The following KANK1 variants were observed in gnomAD, a reference collection of about 807,000 sequenced individuals.
KANK1 encodes the protein KN motif and ankyrin repeat domain-containing protein 1.
In KANK1, 109 loss-of-function variants were observed where a neutral mutation model predicts 106.2. The ratio of observed to expected loss-of-function variants is 1.03; its 90% CI spans 0.88 to 1.20. KANK1 has a LOEUF of 1.20. KANK1 is among the 50% of genes most tolerant of loss of function. KANK1 has a pLI of 0.00. For missense variants in KANK1, 2,399 were observed against 1,710.7 expected (o/e 1.40, Z -7.10); for synonymous variants, 873 against 652.2 (o/e 1.34, Z -5.16).
intron 3 of KANK1, among the ~76,000 whole-genome samples, chr9:486,193 A>G (rs1004461853): frequency 6.6e-6 from 1 of 152,232 alleles, no homozygotes; most frequent in African/African-American, 2.4e-5. Context: ...TATTTTACAT[A>G]TGATCATAGA....
At chr9:529,261 A>C (rs530774289) in intron 1 of KANK1, among the ~76,000 whole-genome samples, 46 of 151,232 alleles carry the variant, frequency 3.0e-4, no homozygotes, top group African/African-American at 1.1e-3. Context: ...ACACATATAC[A>C]CACACACACA....
Position 647,248 on chromosome 9 carries a change from G to T in KANK1, c.-83-29642G>T. Among the ~76,000 whole-genome samples, 2 of 141,254 alleles carry T rather than the reference G, an allele frequency of 1.4e-5. 1 individual carries two copies. Among genetic ancestry groups the T allele is most frequent in the African/African-American group, 6.1e-5 (2 of 33,016 alleles). The allele number at this position is 141,254 out of a possible 152,430, so 92.7% of individuals were successfully genotyped here. ...TACTTGATTATTTATTTACTTATTT[G>T]ATTATTTCTGTTCTCATTAATTTTC... is the stretch of plus-strand genomic sequence containing the variant. On this transcript the variant is annotated intron_variant, in intron 1 of 11. Coordinates refer to ENST00000382297, the MANE Select transcript of KANK1 (RefSeq NM_015158.5).
chr9:499,854 G>A (rs1054510859), upstream of KANK1, among the ~76,000 whole-genome samples: 2 of 152,176 alleles, frequency 1.3e-5, no homozygotes, highest in African/African-American at 2.4e-5. Flanking sequence ...AGATGAACAT[G>A]TATATACTGA....
intron 1 of KANK1, among the ~76,000 whole-genome samples, chr9:602,084 A>G (rs1221878211): frequency 1.3e-5 from 2 of 151,876 alleles, no homozygotes; most frequent in Non-Finnish European, 2.9e-5. Context: ...GTTAAAATCA[A>G]TGCACATACC....
At chr9:560,499 C>T (rs549667759) in intron 1 of KANK1, among the ~76,000 whole-genome samples, 9 of 152,152 alleles carry the variant, frequency 5.9e-5, no homozygotes, top group Non-Finnish European at 1.3e-4. Context: ...GGATTGTGGG[C>T]AGGATGTAGG....
At chr9:659,210 C>T (rs1448565640) in intron 1 of KANK1, among the ~76,000 whole-genome samples, 2 of 152,160 alleles carry the variant, frequency 1.3e-5, no homozygotes, top group Admixed American at 1.3e-4. Context: ...AGTTAGGCTT[C>T]CTGGGGGATG....
At chr9:727,820 CACCCACATT>C (rs1261289987) in intron 3 of KANK1, among the ~76,000 whole-genome samples, 2 of 152,064 alleles carry the variant, frequency 1.3e-5, no homozygotes, top group African/African-American at 4.8e-5. Flanking sequence ...TTTTCCACAT[CACCCACATT>C]GAAAATTCTA....
At chr9:608,094 G>T (rs1186455883) in intron 1 of KANK1, among the ~76,000 whole-genome samples, 1 of 139,588 alleles carries the variant, frequency 7.2e-6, no homozygotes, top group African/African-American at 2.7e-5. Context: ...GCGGACTGCA[G>T]TGGCGCAATC....
chr9:526,119 A>C (rs746572143), intron 1 of KANK1, among the ~76,000 whole-genome samples: 7 of 151,708 alleles, frequency 4.6e-5, no homozygotes, highest in Non-Finnish European at 8.8e-5. Context: ...TTATTTTGTG[A>C]TCTTAGTCAC....
intron 1 of KANK1, among the ~76,000 whole-genome samples, chr9:569,776 T>A (rs1355671165): frequency 6.6e-6 from 1 of 152,194 alleles, no homozygotes; most frequent in Non-Finnish European, 1.5e-5. Flanking sequence ...TTTCTATTAA[T>A]GCATTCATTA....
At chr9:504,441 T>TCCGCGGTACAAAGAGCGCCC (rs2058632088), upstream of KANK1, among the ~76,000 whole-genome samples, 1 of 151,362 alleles carries the variant, frequency 6.6e-6, no homozygotes, top group African/African-American at 2.4e-5. Context: ...CGCGGCCGGC[T>TCCGCGGTACAAAGAGCGCCC]CCGCGGTACA....
At chr9:528,945 G>A (rs373814422) in intron 1 of KANK1, among the ~76,000 whole-genome samples, 1 of 151,964 alleles carries the variant, frequency 6.6e-6, no homozygotes, top group African/African-American at 2.4e-5. Flanking sequence ...GACTACAGGT[G>A]CATACCACCA....
upstream of KANK1, among the ~76,000 whole-genome samples, chr9:504,425 G>A (rs897733904): frequency 9.2e-5 from 14 of 151,858 alleles, no homozygotes; most frequent in South Asian, 4.1e-4. Context: ...CGCACTGAGG[G>A]CCGCCCGCGG....
At chr9:581,394 A>G (rs531966775) in intron 1 of KANK1, among the ~76,000 whole-genome samples, 109 of 152,358 alleles carry the variant, frequency 7.2e-4, no homozygotes, top group African/African-American at 2.6e-3. Flanking sequence ...TGCATGATAC[A>G]AGAGCCTTCT....
At chr9:647,560 C>G (rs1365904958) in intron 1 of KANK1, among the ~76,000 whole-genome samples, 2 of 150,666 alleles carry the variant, frequency 1.3e-5, no homozygotes, top group African/African-American at 5.0e-5. Flanking sequence ...AATCCCCACT[C>G]TTTTTTAAGT....
intron 1 of KANK1, among the ~76,000 whole-genome samples, chr9:565,913 T>C (rs1483364669): frequency 2.6e-5 from 4 of 152,222 alleles, no homozygotes; most frequent in Admixed American, 2.6e-4. Flanking sequence ...TTTGTTAATA[T>C]GGGTAAACTC....
At chr9:599,671 C>G (rs144413287) in intron 1 of KANK1, among the ~76,000 whole-genome samples, 4 of 151,958 alleles carry the variant, frequency 2.6e-5, no homozygotes, top group African/African-American at 9.7e-5. Flanking sequence ...ACGTGCAGGT[C>G]TGCTTTTATG....
At chr9:656,067 T>C (rs1269239315) in intron 1 of KANK1, among the ~76,000 whole-genome samples, 1 of 152,198 alleles carries the variant, frequency 6.6e-6, no homozygotes, top group African/African-American at 2.4e-5. Context: ...CTAGTCACTT[T>C]TGGCACTTTC....
chr9:680,690 G>A (rs1333936137), intron 2 of KANK1, among the ~76,000 whole-genome samples: 8 of 152,050 alleles, frequency 5.3e-5, no homozygotes, highest in Admixed American at 4.6e-4. Context: ...CTGTGTACAC[G>A]GTTGCCAGAA....
Sources: allele counts gnomAD v4.1 joint callset (sites outside exome capture counted in the v4.1 genomes callset), GRCh38; gene constraint gnomAD v4.1.1; transcripts MANE v1.5; gene names NCBI Gene and HGNC (gene_info 2026-07-23, HGNC 2026-07-21).